Variants in PRPF4 observed in about 807,000 individuals in gnomAD.
PRPF4 encodes the protein U4/U6 small nuclear ribonucleoprotein Prp4.
A neutral mutation model predicts 72.2 loss-of-function variants in PRPF4; 14 were observed. The ratio of observed to expected loss-of-function variants is 0.19; its 90% CI spans 0.13 to 0.30. The LOEUF (loss-of-function observed/expected upper bound fraction) is 0.30. Ranked by LOEUF, PRPF4 falls within the 10% of genes least tolerant of loss-of-function variation. The probability of loss-of-function intolerance (pLI) is 1.00; values close to 1 mark genes in which losing one functional copy is unlikely to be tolerated. For missense variants in PRPF4, 478 were observed against 653.9 expected (o/e 0.73, Z 2.93); for synonymous variants, 225 against 232.2 (o/e 0.97, Z 0.28).
rs779092804 is a variant in PRPF4 at position 113,283,479 on chromosome 9, C to T, written c.651C>T (p.Leu217=). The change falls in exon 6 of 14, where the codon CTC becomes CTT. Residue 217 remains leucine (L), a synonymous_variant. Coordinates refer to ENST00000374198, the MANE Select transcript of PRPF4 (RefSeq NM_001244926.2). ...AGATGCAAGAGCTGCACAAGTCTCT[C>T]CGGGTAAGATGCTCCCAGCAATTGT... is the stretch of plus-strand genomic sequence containing the variant. The part of the protein sequence containing the change: ...TSQMQELHKS[L]RSLNNFCSQI... 25 of 1,613,882 alleles carry T rather than the reference C, an allele frequency of 1.5e-5. No individual in the cohort carries two copies. In the Admixed American group the frequency reaches 4.0e-4, roughly 26 times the overall value.
chr9:113,280,964 C>T (rs1476766137), intron 3 of PRPF4, among the ~76,000 whole-genome samples: 1 of 152,190 alleles, frequency 6.6e-6, no homozygotes, highest in Non-Finnish European at 1.5e-5. Flanking sequence ...CCTCAGCCTC[C>T]CAAGTAGCTG....
chr9:113,286,618 C>T, intron 8 of PRPF4, 87 bp from the exon 9 acceptor site: 1 of 1,481,506 alleles, frequency 6.7e-7, no homozygotes. Flanking sequence ...CACTTGAATA[C>T]TCTGTATGTC....
intron 3 of PRPF4, among the ~76,000 whole-genome samples, chr9:113,282,270 C>T (rs1030299151): frequency 8.5e-5 from 13 of 152,158 alleles, no homozygotes; most frequent in African/African-American, 3.1e-4. Flanking sequence ...CCCAGAAGTT[C>T]AAGACTTGCC....
intron 7 of PRPF4, among the ~76,000 whole-genome samples, chr9:113,285,480 G>T (rs918676065): frequency 2.1e-5 from 3 of 141,430 alleles, no homozygotes; most frequent in Admixed American, 7.5e-5. Flanking sequence ...CTGGGTTCAC[G>T]CCATTCTCCT....
At position 113,286,270 on chromosome 9, in the gene PRPF4, A is replaced by G. The variant is rs1337307855; in HGVS notation, c.788A>G (p.Asn263Ser). 7 of 1,612,112 alleles carry G rather than the reference A, an allele frequency of 4.3e-6. No individual in the cohort carries two copies. In the Admixed American group the frequency reaches 1.0e-4, roughly 23 times the overall value. ...AAGCTCTGGTCTGTTCCTGATTGCA[A>G]CCTCCTTCACACTCTTCGAGGTAAG... ...LCKLWSVPDC[N>S]LLHTLRGHNT... is the part of the protein sequence containing the mutation. Residue 263 changes from asparagine to serine, a missense_variant, in exon 8 of 14, where the codon AAC (asparagine) becomes AGC (serine). Coordinates refer to ENST00000374198, the MANE Select transcript of PRPF4 (RefSeq NM_001244926.2).
rs926018584 is a variant in PRPF4 at position 113,292,230 on chromosome 9, T to G, written c.*570T>G. The G allele has an allele frequency of 1.3e-5, 2 of 152,474 alleles. No homozygotes were observed. Among genetic ancestry groups the G allele is most frequent in the African/African-American group, 2.4e-5 (1 of 41,410 alleles). The allele number at this position is 152,474 out of a possible 1,614,324, so 9.4% of individuals were successfully genotyped here. On this transcript the variant is annotated 3_prime_UTR_variant, in exon 14 of 14. Coordinates refer to ENST00000374198, the MANE Select transcript of PRPF4 (RefSeq NM_001244926.2). The stretch of plus-strand genomic sequence containing the variant: ...CCCTGTCTCAAAAAAAAAAAAAATT[T>G]GTTCGAATGCCTTATAGCCTTCCTC...
chr9:113,281,197 ACTT>A (rs938079485), intron 3 of PRPF4, among the ~76,000 whole-genome samples: 2 of 152,124 alleles, frequency 1.3e-5, no homozygotes, highest in Non-Finnish European at 2.9e-5. Flanking sequence ...TCCCTGTCAA[ACTT>A]CTTATTCTTT....
Position 113,278,998 on chromosome 9 carries a change from G to T in PRPF4, c.259G>T (p.Ala87Ser). The T allele has an allele frequency of 6.2e-7, 1 of 1,614,206 alleles. No homozygotes were observed. The highest frequency in any genetic ancestry group is 8.5e-7 in the Non-Finnish European group (1 of 1,180,032). ...HISERQAEVLAEFERRKRARQ... is the reference protein window; with the variant it reads ...HISERQAEVLSEFERRKRARQ... ...CAGCGAGCGACAGGCAGAAGTATTG[G>T]CTGAGTTTGAGAGAAGGAAGCGAGC... Residue 87 changes from alanine (A) to serine (S), a missense_variant, in exon 3 of 14, where the codon GCT (alanine) becomes TCT (serine). Transcript: ENST00000374198.
At chr9:113,289,102 T>C (rs889217051) in intron 10 of PRPF4, among the ~76,000 whole-genome samples, 1 of 152,222 alleles carries the variant, frequency 6.6e-6, no homozygotes, top group Non-Finnish European at 1.5e-5. Context: ...AAATTAATTA[T>C]GTCTATTCAT....
At position 113,275,679 on chromosome 9, in the gene PRPF4, C is replaced by A. The variant is rs1185058321; in HGVS notation, c.-65C>A. ...TGACGCACTTCCCCTCTGCTGGGCG[C>A]GCGGTGGACGGTCTGAAAGGGAGTG... On this transcript the variant is annotated 5_prime_UTR_variant, in exon 1 of 14. Coordinates refer to ENST00000374198, the MANE Select transcript of PRPF4 (RefSeq NM_001244926.2). 3.2e-6 allele frequency: 5 copies of A among 1,562,988 alleles called. No individual in the cohort carries two copies. In the Admixed American group the frequency reaches 5.5e-5, roughly 17 times the overall value.
In PRPF4 at chr9:113,282,733, G is replaced by A; in HGVS notation, c.480G>A (p.Glu160=). The A allele has an allele frequency of 6.3e-7, 1 of 1,594,066 alleles. No homozygotes were observed. Among genetic ancestry groups the A allele is most frequent in the Non-Finnish European group, 8.6e-7 (1 of 1,163,324 alleles). The change falls in exon 4 of 14, where the codon GAG becomes GAA. Residue 160 remains glutamate (E), a splice_region_variant and synonymous_variant. Transcript: ENST00000374198. ...AGAAGTCTAAAAAGTCCAAAGAAGA[G>A]GTAGAACATGTCTTTAACTTCACAG... ...DDEKSKKSKE[E]YQQTWYHEGP... is the part of the protein sequence containing the mutation.
chr9:113,283,931 GATAGCATGTGCCT>G (rs1009397468), intron 6 of PRPF4, among the ~76,000 whole-genome samples: 2 of 152,044 alleles, frequency 1.3e-5, no homozygotes, highest in African/African-American at 4.8e-5. Flanking sequence ...TGCCAGGTGT[GATAGCATGTGCCT>G]ATAATCCCAG....
At chr9:113,286,982 A>T (rs1832467691) in intron 9 of PRPF4, among the ~76,000 whole-genome samples, 154 bp downstream of exon 9, 1 of 152,112 alleles carries the variant, frequency 6.6e-6, no homozygotes, top group African/African-American at 2.4e-5. Flanking sequence ...AACCCGGGAA[A>T]TGGAGGTTGT....
intron 7 of PRPF4, among the ~76,000 whole-genome samples, chr9:113,284,835 C>A (rs969882306): frequency 6.6e-6 from 1 of 152,204 alleles, no homozygotes; most frequent in Non-Finnish European, 1.5e-5. Context: ...GTAGTAAGGA[C>A]TCGTTAAACG....
At chr9:113,276,440 TAC>T in intron 1 of PRPF4, 106 bp from the exon 2 acceptor site, 1 of 1,251,392 alleles carries the variant, frequency 8.0e-7, no homozygotes, top group Non-Finnish European at 1.2e-6. Flanking sequence ...TCCTTTCAAT[TAC>T]AGAGGAAACA....
Position 113,275,714 on chromosome 9 carries a change from C to T in PRPF4, c.-30C>T, listed in dbSNP as rs996276688. 7 of 1,607,404 alleles carry T rather than the reference C, an allele frequency of 4.4e-6. No individual in the cohort carries two copies. The highest frequency in any genetic ancestry group is 1.1e-5 in the South Asian group (1 of 90,586). The stretch of plus-strand genomic sequence containing the variant: ...GGTCTGAAAGGGAGTGTTCGGGTTT[C>T]GCTGGGGCCTCGCGGCTCCAGAGCC... On this transcript the variant is annotated 5_prime_UTR_variant, in exon 1 of 14. Coordinates refer to ENST00000374198, the MANE Select transcript of PRPF4 (RefSeq NM_001244926.2).
At position 113,290,719 on chromosome 9, in the gene PRPF4, C is replaced by G. The variant is rs1236406390; in HGVS notation, c.1165C>G (p.Arg389Gly). 1 of 1,614,090 alleles carries G rather than the reference C, an allele frequency of 6.2e-7. No individual in the cohort carries two copies. The highest frequency in any genetic ancestry group is 1.3e-5 in the African/African-American group (1 of 75,010). ...TCTCAGGGGACTGGATGCATTTGGT[C>G]GAGTTTGGGACCTACGCACAGGACG... ...AGTGGLDAFG[R>G]VWDLRTGRCI... Residue 389 changes from arginine to glycine, a missense_variant, in exon 12 of 14, where the codon CGA (arginine) becomes GGA (glycine). Physicochemically the swap from Arg to Gly is moderately radical, Grantham distance 125. Coordinates refer to ENST00000374198, the MANE Select transcript of PRPF4 (RefSeq NM_001244926.2).
chr9:113,284,194 C>T, intron 6 of PRPF4, 101 bp from the exon 7 acceptor site: 1 of 866,578 alleles, frequency 1.2e-6, no homozygotes, highest in South Asian at 1.6e-5. Context: ...TGGGTTAAAA[C>T]TGAAAAGCTG....
At position 113,276,712 on chromosome 9, in the gene PRPF4, T is replaced by G; in HGVS notation, c.192T>G (p.Ile64Met). Residue 64 changes from isoleucine (I) to methionine (M), a missense_variant, in exon 2 of 14, where the codon ATT becomes ATG. Transcript: ENST00000374198. ...AAGCAGGGATCGAAGCTGGAAATAT[T>G]AATATAACCTCTGGTAAGATGCAAA... ...GLKAGIEAGN[I>M]NITSGEVFEI... 1 of 1,612,340 alleles carries G rather than the reference T, an allele frequency of 6.2e-7. No homozygotes were observed. Among genetic ancestry groups the G allele is most frequent in the Non-Finnish European group, 8.5e-7 (1 of 1,179,254 alleles).
Sources: gnomAD v4.1 joint callset for allele counts (sites outside exome capture counted in the v4.1 genomes callset) on GRCh38, gnomAD v4.1.1 for gene constraint, MANE v1.5 for transcripts, NCBI Gene and HGNC (gene_info 2026-07-23, HGNC 2026-07-21) for gene names.